BAZ2B: variants seen among roughly 807,000 people sequenced by gnomAD.
BAZ2B encodes the protein bromodomain adjacent to zinc finger domain protein 2B.
In BAZ2B, 91 loss-of-function variants were observed where a neutral mutation model predicts 246.0. That is an observed-to-expected ratio of 0.37 (90% CI 0.31 to 0.44). The LOEUF is 0.44. Ranked by LOEUF, BAZ2B falls within the 20% of genes least tolerant of loss-of-function variation. The pLI, the probability that BAZ2B is intolerant of heterozygous loss-of-function variation, is 1.00. For synonymous variants in BAZ2B, 855 were observed against 860.0 expected, an observed-to-expected ratio of 0.99 and a Z score of 0.10; for missense variants, 2,332 against 2,533.7, an observed-to-expected ratio of 0.92 and a Z score of 1.71.
At chr2:159,657,297 T>C in the BAZ2B span, among the ~76,000 whole-genome samples, 1 of 152,212 alleles carries the variant, frequency 6.6e-6, no homozygotes, top group Non-Finnish European at 1.5e-5. Context: ...TTGACTATTC[T>C]TTGCGTAGGT....
At chr2:159,348,958 A>G (rs2058269722) in intron 29 of BAZ2B, 49 bp downstream of exon 29, 1 of 1,593,062 alleles carries the variant, frequency 6.3e-7, no homozygotes. Flanking sequence ...ACAGGAATCC[A>G]TAATATTGAA....
Position 159,337,061 on chromosome 2 carries a change from C to T in BAZ2B, c.5677G>A (p.Ala1893Thr), listed in dbSNP as rs747105766. Residue 1893 changes from alanine to threonine, a missense_variant, in exon 33 of 37, where the codon GCT becomes ACT. Physicochemically the swap from Ala to Thr is moderately conservative, Grantham distance 58. Coordinates refer to ENST00000392783, the MANE Select transcript of BAZ2B (RefSeq NM_013450.4). ...NIERRIEEDI[A>T]PGLRVWRRAL... ...CTTCTCCATACCCTGAGCCCTGGAG[C>T]AATATCCTCTTCAATTCTGCATTGA... 2 of 1,613,262 alleles carry T rather than the reference C, an allele frequency of 1.2e-6. No homozygotes were observed. Among genetic ancestry groups the T allele is most frequent in the Admixed American group, 3.3e-5 (2 of 59,982 alleles).
intron 3 of BAZ2B, among the ~76,000 whole-genome samples, chr2:159,469,962 A>G: frequency 6.6e-6 from 1 of 152,214 alleles, no homozygotes; most frequent in East Asian, 1.9e-4. Context: ...CAAGAAAACT[A>G]TAGACCAATA....
At position 159,439,058 on chromosome 2, in the gene BAZ2B, T is replaced by A; in HGVS notation, c.851A>T (p.Asp284Val). 2 of 1,613,844 alleles carry A rather than the reference T, an allele frequency of 1.2e-6. No homozygotes were observed. The highest frequency in any genetic ancestry group is 1.7e-6 in the Non-Finnish European group (2 of 1,179,928). Residue 284 changes from aspartate to valine, a missense_variant, in exon 7 of 37, where the codon GAT becomes GTT. Transcript: ENST00000392783. ...EEDQSIEESEDDDSDSESEAQ... is the reference protein window; with the variant it reads ...EEDQSIEESEVDDSDSESEAQ... ...TTCACTCTCTGAATCAGAATCATCA[T>A]CTTCACTTTCTTCAATACTTTGATC...
chr2:159,475,187 C>T (rs1180575935), intron 3 of BAZ2B, among the ~76,000 whole-genome samples: 1 of 152,158 alleles, frequency 6.6e-6, no homozygotes, highest in East Asian at 1.9e-4. Flanking sequence ...CTTTCAGGTG[C>T]ACCAATCAAA....
intron 34 of BAZ2B, among the ~76,000 whole-genome samples, chr2:159,330,631 C>T (rs911418824): frequency 2.6e-5 from 4 of 151,546 alleles, no homozygotes; most frequent in Admixed American, 2.6e-4. Flanking sequence ...GGCTGTAGTG[C>T]GAGGATCAGC....
chr2:159,359,048 C>G (rs1052947816), intron 27 of BAZ2B, among the ~76,000 whole-genome samples: 1 of 152,098 alleles, frequency 6.6e-6, no homozygotes. Flanking sequence ...ATTAAAAGAA[C>G]TGAGAGGCAA....
chr2:159,383,032 CATT>C (rs1389492352), intron 24 of BAZ2B, among the ~76,000 whole-genome samples: 9 of 151,882 alleles, frequency 5.9e-5, no homozygotes, highest in African/African-American at 2.2e-4. Flanking sequence ...GAATTAGACT[CATT>C]AAAAAAAATG....
the BAZ2B span, among the ~76,000 whole-genome samples, chr2:159,666,360 G>A: frequency 6.7e-6 from 1 of 149,474 alleles, no homozygotes; most frequent in South Asian, 2.1e-4. Context: ...CACTGACTCA[G>A]GTGATCTTCC....
intron 31 of BAZ2B, among the ~76,000 whole-genome samples, chr2:159,346,908 A>G (rs2067951076): frequency 6.6e-6 from 1 of 152,186 alleles, no homozygotes; most frequent in South Asian, 2.1e-4. Context: ...GGAATGAATG[A>G]ATAAATCAGT....
At chr2:159,389,522 TC>T in intron 20 of BAZ2B, 37 bp from the exon 21 acceptor site, 2 of 1,505,802 alleles carry the variant, frequency 1.3e-6, no homozygotes, top group South Asian at 1.3e-5. Context: ...TTCTTCTTAA[TC>T]ATTATATATG....
At chr2:159,320,508 G>C in intron 36 of BAZ2B, 90 bp from the exon 37 acceptor site, 1 of 1,094,656 alleles carries the variant, frequency 9.1e-7, no homozygotes, top group Non-Finnish European at 1.3e-6. Context: ...AAAAATGAAA[G>C]AAAAATGATT....
At chr2:159,664,041 C>A in the BAZ2B span, among the ~76,000 whole-genome samples, 1 of 63,212 alleles carries the variant, frequency 1.6e-5, no homozygotes, top group African/African-American at 6.0e-5. Context: ...CCGACCCCAC[C>A]ACAGTCCCCA....
At chr2:159,551,149 A>G (rs894083609) in intron 2 of BAZ2B, among the ~76,000 whole-genome samples, 1 of 152,168 alleles carries the variant, frequency 6.6e-6, no homozygotes, top group African/African-American at 2.4e-5. Context: ...AAGAAATTTT[A>G]ATAAAAACAG....
intron 1 of BAZ2B, among the ~76,000 whole-genome samples, chr2:159,573,828 G>C (rs1332379558): frequency 1.3e-5 from 2 of 152,142 alleles, no homozygotes. Context: ...GCCAGGCACA[G>C]GTGGCTCACA....
chr2:159,681,588 T>C, the BAZ2B span, among the ~76,000 whole-genome samples: 47,656 of 152,154 alleles, frequency 0.31, 9,417 homozygotes, highest in Admixed American at 0.48. Flanking sequence ...TCAGTTTGGA[T>C]AATATACAGT....
At chr2:159,322,222 G>A (rs1421380616) in intron 36 of BAZ2B, among the ~76,000 whole-genome samples, 1 of 152,126 alleles carries the variant, frequency 6.6e-6, no homozygotes, top group Non-Finnish European at 1.5e-5. Flanking sequence ...CAGCCCTTAT[G>A]TAACCTCATC....
At chr2:159,469,847 G>T (rs2077557669) in intron 3 of BAZ2B, among the ~76,000 whole-genome samples, 1 of 152,076 alleles carries the variant, frequency 6.6e-6, no homozygotes, top group South Asian at 2.1e-4. Flanking sequence ...TGTTTCACCA[G>T]TGAATTCTAC....
intron 21 of BAZ2B, among the ~76,000 whole-genome samples, chr2:159,387,097 GTGGGCTCTA>G (rs1405390048): frequency 1.3e-5 from 2 of 152,068 alleles, no homozygotes; most frequent in Non-Finnish European, 2.9e-5. Context: ...GCATGCATCT[GTGGGCTCTA>G]TGGTTGGAGA....
Sources: allele counts gnomAD v4.1 joint callset (sites outside exome capture counted in the v4.1 genomes callset), GRCh38; gene constraint gnomAD v4.1.1; transcripts MANE v1.5; gene names NCBI Gene and HGNC (gene_info 2026-07-23, HGNC 2026-07-21).